DNM1L: variants seen among roughly 807,000 people sequenced by gnomAD.
The protein encoded by DNM1L is dynamin 1L.
In DNM1L, 33 loss-of-function variants were observed where a neutral mutation model predicts 92.8. That is an observed-to-expected ratio of 0.36 (90% CI 0.27 to 0.48). The LOEUF is 0.48. DNM1L is among the 20% of genes least tolerant of loss of function. DNM1L has a pLI of 0.99. For synonymous variants in DNM1L, 284 were observed against 305.0 expected, an observed-to-expected ratio of 0.93 and a Z score of 0.72; for missense variants, 485 against 888.8, an observed-to-expected ratio of 0.55 and a Z score of 5.78.
chr12:32,695,178 AAAC>A, intron 1 of DNM1L, among the ~76,000 whole-genome samples: 1 of 152,336 alleles, frequency 6.6e-6, no homozygotes, highest in Non-Finnish European at 1.5e-5. Flanking sequence ...TACTATATGA[AAAC>A]AACAAGAGGG....
chr12:32,731,558 A>G lies in DNM1L; in HGVS notation c.1356+47A>G. 6.2e-7 allele frequency: 1 copy of G among 1,610,176 alleles called. No homozygotes were observed. The highest frequency in any genetic ancestry group is 8.5e-7 in the Non-Finnish European group (1 of 1,178,722). On this transcript the variant is annotated intron_variant, in intron 11 of 19. Coordinates refer to ENST00000549701, the MANE Select transcript of DNM1L (RefSeq NM_012062.5). The surrounding 1 kb of genome is among the most constrained non-coding windows in gnomAD (Gnocchi z 5.1). ...GGTTTCACATGAACTAGAAAAGGAC[A>G]TGAAGTGGTGGTTTCACTGGGTGGA...
At chr12:32,693,840 G>A (rs979710953) in intron 1 of DNM1L, among the ~76,000 whole-genome samples, 1 of 152,034 alleles carries the variant, frequency 6.6e-6, no homozygotes, top group Non-Finnish European at 1.5e-5. Context: ...GTTTCACCAT[G>A]TTGCCCAGGA....
chr12:32,680,083 T>C, intron 1 of DNM1L: 1 of 873,524 alleles, frequency 1.1e-6, no homozygotes. Flanking sequence ...AACGTGTATC[T>C]AGAGTTCTGC....
In DNM1L at chr12:32,705,515, C is replaced by T. The variant is rs1335660095; in HGVS notation, c.251-1852C>T. The T allele has an allele frequency of 7.7e-5, 20 of 260,790 alleles. 1 individual carries two copies. The East Asian group carries it at 1.5e-3, about 19-fold the overall frequency. The allele number at this position is 260,790 out of a possible 1,614,324, so 16.2% of individuals were successfully genotyped here. On this transcript the variant is annotated intron_variant, in intron 2 of 19. Transcript: ENST00000549701. The stretch of plus-strand genomic sequence containing the variant: ...CTACCTTCAGACAAGCCAGATATAA[C>T]TAATTATATTGGAAAGGTTGTTTCC...
intron 5 of DNM1L, 70 bp from the exon 6 acceptor site, chr12:32,713,139 A>G (rs2137372246): frequency 6.6e-7 from 1 of 1,516,972 alleles, no homozygotes; most frequent in East Asian, 2.3e-5. Context: ...TATTCTATCG[A>G]TTAAATGTGG....
At chr12:32,696,817 G>A (rs1389023378) in intron 1 of DNM1L, among the ~76,000 whole-genome samples, 1 of 150,490 alleles carries the variant, frequency 6.6e-6, no homozygotes, top group East Asian at 2.0e-4. Context: ...TAGAGATGGG[G>A]TTTCACCATG....
chr12:32,721,699 T>A (rs1359897602), intron 8 of DNM1L, among the ~76,000 whole-genome samples: 2 of 152,140 alleles, frequency 1.3e-5, no homozygotes, highest in Non-Finnish European at 2.9e-5. Flanking sequence ...CTGGAGATAG[T>A]GTCAGCGCCC....
At chr12:32,714,728 G>A (rs539774584) in intron 6 of DNM1L, among the ~76,000 whole-genome samples, 3 of 151,656 alleles carry the variant, frequency 2.0e-5, no homozygotes, top group South Asian at 2.1e-4. Flanking sequence ...GCTCATGCCC[G>A]TAATACCAAG....
intron 17 of DNM1L, 74 bp from the exon 18 acceptor site, chr12:32,740,335 C>T: frequency 6.2e-7 from 1 of 1,609,536 alleles, no homozygotes; most frequent in African/African-American, 1.3e-5. Context: ...CAAAAACTTA[C>T]ATAACTTTCA....
At position 32,733,803 on chromosome 12, in the gene DNM1L, T is replaced by C. The variant is rs148686457; in HGVS notation, c.1535T>C (p.Ile512Thr). ...GCTTGTGGGCTAATGAACAATAATA[T>C]AGAGGTAAATATAATTCTTAAATGC... Reference protein sequence around the residue: ...ADACGLMNNNIEEQRRNRLAR... With the variant: ...ADACGLMNNNTEEQRRNRLAR... Residue 512 changes from isoleucine (I) to threonine (T), a missense_variant, in exon 13 of 20, where the codon ATA (isoleucine) becomes ACA (threonine). Coordinates refer to ENST00000549701, the MANE Select transcript of DNM1L (RefSeq NM_012062.5). The C allele has an allele frequency of 1.4e-4, 233 of 1,612,956 alleles. No individual in the cohort carries two copies. Among genetic ancestry groups the C allele is most frequent in the East Asian group, 2.7e-4 (12 of 44,808 alleles).
At chr12:32,696,168 T>C (rs1431853710) in intron 1 of DNM1L, among the ~76,000 whole-genome samples, 1 of 152,120 alleles carries the variant, frequency 6.6e-6, no homozygotes, top group Non-Finnish European at 1.5e-5. Flanking sequence ...AGAAAAATTA[T>C]TGGACTTTAA....
At chr12:32,727,191 G>T in intron 9 of DNM1L, 1 of 952,518 alleles carries the variant, frequency 1.0e-6, no homozygotes, top group Non-Finnish European at 1.7e-6. Context: ...TTCATAAATT[G>T]TATTAGTAAT....
intron 2 of DNM1L, among the ~76,000 whole-genome samples, chr12:32,703,832 A>G (rs57266946): frequency 0.01 from 1,557 of 152,296 alleles, 34 homozygotes; most frequent in African/African-American, 0.035. Context: ...GTATAATTCA[A>G]TCATCAGGAC....
At chr12:32,737,561 C>T (rs1449300109) in intron 14 of DNM1L, 1 of 418,674 alleles carries the variant, frequency 2.4e-6, no homozygotes, top group Non-Finnish European at 4.4e-6. Context: ...AGTTGTAATA[C>T]TAAAGTGTGT....
At chr12:32,714,954 C>A (rs961743520) in intron 6 of DNM1L, among the ~76,000 whole-genome samples, 3 of 152,070 alleles carry the variant, frequency 2.0e-5, no homozygotes, top group Non-Finnish European at 2.9e-5. Flanking sequence ...GAGCCGAGAT[C>A]ATGCCATTGC....
At chr12:32,724,593 A>AAATAT (rs1555123432) in intron 9 of DNM1L, among the ~76,000 whole-genome samples, 2 of 66,692 alleles carry the variant, frequency 3.0e-5, no homozygotes, top group African/African-American at 1.3e-4. Flanking sequence ...AAAAAAAAAA[A>AAATAT]ATATATATAT....
At chr12:32,687,348 C>T (rs1952056442) in intron 1 of DNM1L, among the ~76,000 whole-genome samples, 1 of 151,602 alleles carries the variant, frequency 6.6e-6, no homozygotes, top group African/African-American at 2.4e-5. Flanking sequence ...ATTTTTTTTG[C>T]ACGTGCTTCT....
chr12:32,742,646 T>G lies in DNM1L; in HGVS notation c.2052T>G (p.Ser684Arg). 1 of 1,614,122 alleles carries G rather than the reference T, an allele frequency of 6.2e-7. No individual in the cohort carries two copies. ...LVNHVKDTLQ[S>R]ELVGQLYKSS... is the part of the protein sequence containing the mutation. ...ATCATGTGAAAGACACTCTTCAGAGTGAGCTAGTAGGCCAGCTGTATAAAT... is the reference window on the plus strand; with the variant it reads ...ATCATGTGAAAGACACTCTTCAGAGGGAGCTAGTAGGCCAGCTGTATAAAT... Residue 684 changes from serine to arginine, a missense_variant, in exon 19 of 20, where the codon AGT (serine) becomes AGG (arginine). Ser to Arg is a moderately radical substitution (Grantham distance 110, BLOSUM62 -1). Coordinates refer to ENST00000549701, the MANE Select transcript of DNM1L (RefSeq NM_012062.5).
Position 32,722,552 on chromosome 12 carries a change from T to C in DNM1L, c.998T>C (p.Leu333Ser). The change falls in exon 9 of 20, where the codon TTA (leucine) becomes TCA (serine). Residue 333 changes from leucine (L) to serine (S), a missense_variant. By Grantham distance (145) the Leu-to-Ser change is moderately radical. Around this residue, in one of 11 missense-constraint regions of DNM1L, gnomAD observed 40 missense variants for 128.7 expected, o/e 0.31. Coordinates refer to ENST00000549701, the MANE Select transcript of DNM1L (RefSeq NM_012062.5). Reference sequence around the variant, plus strand: ...CCCGTGGATGATAAAAGTGCTACTTTACTCCAACTTATTACCAAATTTGCC... The same window carrying C: ...CCCGTGGATGATAAAAGTGCTACTTCACTCCAACTTATTACCAAATTTGCC... ...GEPVDDKSATLLQLITKFATE... is the reference protein window; with the variant it reads ...GEPVDDKSATSLQLITKFATE... 1 of 1,613,524 alleles carries C rather than the reference T, an allele frequency of 6.2e-7. No individual in the cohort carries two copies. Among genetic ancestry groups the C allele is most frequent in the Non-Finnish European group, 8.5e-7 (1 of 1,179,970 alleles).
Sources: allele counts gnomAD v4.1 joint callset (sites outside exome capture counted in the v4.1 genomes callset), GRCh38; gene constraint gnomAD v4.1.1; regional missense constraint gnomAD v4.1.1; non-coding constraint Gnocchi (gnomAD v3.1); transcripts MANE v1.5; gene names NCBI Gene and HGNC (gene_info 2026-07-23, HGNC 2026-07-21).